PHACTR1: variants seen among roughly 807,000 people sequenced by gnomAD.
The protein encoded by PHACTR1 is RPEL repeat containing 1.
In PHACTR1, 16 loss-of-function variants were observed where a neutral mutation model predicts 69.2. The observed-to-expected ratio is 0.23, with a 90% CI of 0.16 to 0.35. PHACTR1 has a LOEUF of 0.35. Among genes scored for constraint, PHACTR1 ranks in the 10% least tolerant of loss-of-function variants. The pLI is 1.00. For missense variants in PHACTR1, 510 were observed against 734.7 expected (o/e 0.69, Z 3.54); for synonymous variants, 312 against 284.5 (o/e 1.10, Z -0.97).
intron 5 of PHACTR1, among the ~76,000 whole-genome samples, chr6:13,152,113 A>G (rs903458709): frequency 4.6e-5 from 7 of 152,190 alleles, no homozygotes; most frequent in Non-Finnish European, 2.9e-5. Context: ...TGGGCGGATC[A>G]TCTGAAGTCA....
At chr6:12,906,769 G>A (rs1440485892) in intron 4 of PHACTR1, among the ~76,000 whole-genome samples, 1 of 152,194 alleles carries the variant, frequency 6.6e-6, no homozygotes, top group Non-Finnish European at 1.5e-5. Flanking sequence ...CCCACTCTCA[G>A]TGAAGCTTTC....
chr6:12,833,558 CA>C (rs1777825487), intron 4 of PHACTR1, among the ~76,000 whole-genome samples: 1 of 152,144 alleles, frequency 6.6e-6, no homozygotes, highest in Admixed American at 6.5e-5. Flanking sequence ...TGTGCCCGGC[CA>C]AACCTCCAAT....
At chr6:13,173,589 A>G (rs1760904364) in intron 6 of PHACTR1, among the ~76,000 whole-genome samples, 1 of 152,228 alleles carries the variant, frequency 6.6e-6, no homozygotes, top group Non-Finnish European at 1.5e-5. Flanking sequence ...GTTACTCAAC[A>G]CATCATTTTA....
chr6:12,940,905 A>G (rs539677421), intron 4 of PHACTR1, among the ~76,000 whole-genome samples: 4 of 151,918 alleles, frequency 2.6e-5, no homozygotes, highest in Admixed American at 6.5e-5. Context: ...AATGATTCTT[A>G]CTACTGTCAC....
At chr6:12,775,635 A>G (rs1464509330) in intron 4 of PHACTR1, among the ~76,000 whole-genome samples, 1 of 152,250 alleles carries the variant, frequency 6.6e-6, no homozygotes, top group Non-Finnish European at 1.5e-5. Flanking sequence ...TATATGAGAT[A>G]CAAAATGGGA....
intron 5 of PHACTR1, among the ~76,000 whole-genome samples, chr6:13,059,248 C>T (rs1807303493): frequency 1.3e-5 from 2 of 151,990 alleles, no homozygotes; most frequent in Admixed American, 1.3e-4. Context: ...GGCATAAGCC[C>T]ACTTCCATGA....
intron 10 of PHACTR1, among the ~76,000 whole-genome samples, chr6:13,247,855 A>G (rs1182508272): frequency 6.6e-6 from 1 of 150,696 alleles, no homozygotes; most frequent in Non-Finnish European, 1.5e-5. Context: ...ACATAGTGAG[A>G]CCCTGCCTCT....
chr6:13,078,817 C>T (rs1379257591), intron 5 of PHACTR1, among the ~76,000 whole-genome samples: 1 of 152,124 alleles, frequency 6.6e-6, no homozygotes, highest in Non-Finnish European at 1.5e-5. Flanking sequence ...GGCTAGAGAA[C>T]TGCTTAAGAG....
intron 4 of PHACTR1, among the ~76,000 whole-genome samples, chr6:12,808,722 T>C (rs568325092): frequency 1.3e-4 from 20 of 152,286 alleles, no homozygotes; most frequent in African/African-American, 4.1e-4. Flanking sequence ...CTCTAGGTGA[T>C]AAAATAGTAG....
chr6:13,117,619 G>T (rs1818009053), intron 5 of PHACTR1, among the ~76,000 whole-genome samples: 1 of 152,168 alleles, frequency 6.6e-6, no homozygotes. Context: ...CTCTAGTCAA[G>T]GAGCTGGGTT....
At chr6:13,286,921 G>T in intron 14 of PHACTR1, 142 bp from the exon 15 acceptor site, 2 of 838,448 alleles carry the variant, frequency 2.4e-6, no homozygotes, top group Non-Finnish European at 3.8e-6. Flanking sequence ...TGTGTGTTCA[G>T]TGGTACTCCT....
At chr6:12,750,993 T>TGTGC (rs1766549681) in intron 4 of PHACTR1, among the ~76,000 whole-genome samples, 1 of 129,566 alleles carries the variant, frequency 7.7e-6, no homozygotes, top group Admixed American at 7.6e-5. Flanking sequence ...TGTGTGTGTG[T>TGTGC]GCGCGTGCGT....
At chr6:13,030,162 T>C (rs544164549) in intron 4 of PHACTR1, among the ~76,000 whole-genome samples, 2 of 152,354 alleles carry the variant, frequency 1.3e-5, no homozygotes, top group South Asian at 2.1e-4. Context: ...TTTTTCCTTC[T>C]TTATTTTCAT....
chr6:13,113,945 C>T (rs1359891887), intron 5 of PHACTR1, among the ~76,000 whole-genome samples: 2 of 152,056 alleles, frequency 1.3e-5, no homozygotes, highest in Non-Finnish European at 2.9e-5. Flanking sequence ...GGAGAAAAAG[C>T]AATAAAACTA....
At chr6:13,055,537 A>G (rs1806641561) in intron 5 of PHACTR1, among the ~76,000 whole-genome samples, 1 of 152,252 alleles carries the variant, frequency 6.6e-6, no homozygotes, top group Admixed American at 6.5e-5. Context: ...ATATATATAT[A>G]AAACAAAGAT....
intron 4 of PHACTR1, among the ~76,000 whole-genome samples, chr6:13,025,878 A>G (rs907587789): frequency 2.0e-5 from 3 of 152,192 alleles, no homozygotes; most frequent in Admixed American, 6.5e-5. Flanking sequence ...AACGTGAATA[A>G]TCACCTCTTT....
intron 4 of PHACTR1, among the ~76,000 whole-genome samples, chr6:12,963,166 G>A (rs968967433): frequency 2.6e-5 from 4 of 152,186 alleles, no homozygotes; most frequent in Non-Finnish European, 4.4e-5. Flanking sequence ...ACAAATATGG[G>A]AAGTGCAGAG....
chr6:13,051,164 C>G (rs1225537847), intron 4 of PHACTR1, among the ~76,000 whole-genome samples: 6 of 151,314 alleles, frequency 4.0e-5, no homozygotes, highest in Non-Finnish European at 7.4e-5. Context: ...CCAGGTTCCA[C>G]TCATTATTTT....
intron 4 of PHACTR1, among the ~76,000 whole-genome samples, chr6:12,751,612 A>G (rs1205378405): frequency 6.6e-6 from 1 of 152,246 alleles, no homozygotes; most frequent in African/African-American, 2.4e-5. Flanking sequence ...GCTGCTACTC[A>G]ATTAATTACT....
Sources: allele counts gnomAD v4.1 joint callset (sites outside exome capture counted in the v4.1 genomes callset), GRCh38; gene constraint gnomAD v4.1.1; transcripts MANE v1.5; gene names NCBI Gene and HGNC (gene_info 2026-07-23, HGNC 2026-07-21).